The following CDH13 variants were observed in gnomAD, a reference collection of about 807,000 sequenced individuals.
CDH13 encodes the protein cadherin 13.
Under a neutral mutation model 63.8 loss-of-function variants are expected in CDH13, and 24 were observed. That is an observed-to-expected ratio of 0.38 (90% CI 0.27 to 0.53). The LOEUF is 0.53. Ranked by LOEUF, CDH13 falls within the 20% of genes least tolerant of loss-of-function variation. The pLI is 0.85. For synonymous variants in CDH13, 503 were observed against 355.3 expected (o/e 1.42, Z -4.67); for missense variants, 1,049 against 903.1 (o/e 1.16, Z -2.07).
At chr16:83,211,786 C>G (rs993010805) in intron 4 of CDH13, among the ~76,000 whole-genome samples, 1 of 152,022 alleles carries the variant, frequency 6.6e-6, no homozygotes, top group African/African-American at 2.4e-5. Flanking sequence ...GCCAGGAAGT[C>G]TCTTTACCCA....
At chr16:82,898,486 C>G (rs189407864) in intron 2 of CDH13, among the ~76,000 whole-genome samples, 337 of 152,338 alleles carry the variant, frequency 2.2e-3, no homozygotes, top group African/African-American at 7.7e-3. Context: ...GATCTCGCCA[C>G]TGCCCTACAG....
At position 83,200,254 on chromosome 16, in the gene CDH13, C is replaced by T. The variant is rs74738715; in HGVS notation, c.484-17091C>T. The stretch of plus-strand genomic sequence containing the variant: ...CATCACCAGATGAGCTTAGCACCGT[C>T]GGCCAAGTTTTCAACCCCAGGAAGC... On this transcript the variant is annotated intron_variant, in intron 4 of 13. Transcript: ENST00000567109. 9.9e-3 allele frequency among the ~76,000 whole-genome samples: 1,510 copies of T among 152,266 alleles called. 13 individuals carry two copies. Among genetic ancestry groups the T allele is most frequent in the Admixed American group, 0.019 (295 of 15,286 alleles).
At chr16:83,367,272 G>T (rs2091276335) in intron 6 of CDH13, among the ~76,000 whole-genome samples, 1 of 151,970 alleles carries the variant, frequency 6.6e-6, no homozygotes. Context: ...ATGTTTTCAG[G>T]TTTTATTCAT....
chr16:83,440,430 G>C (rs1398813699), intron 6 of CDH13, among the ~76,000 whole-genome samples: 1 of 152,112 alleles, frequency 6.6e-6, no homozygotes, highest in African/African-American at 2.4e-5. Context: ...TGTGGAATGG[G>C]AACTGAATCA....
chr16:83,047,175 T>C lies in CDH13; in HGVS notation c.366+14957T>C, dbSNP rs1181282517. 1.3e-5 allele frequency among the ~76,000 whole-genome samples: 2 copies of C among 152,212 alleles called. No homozygotes were observed. The highest frequency in any genetic ancestry group is 2.9e-5 in the Non-Finnish European group (2 of 68,032). ...GAGACCCAAGGAAAGGTCTGCAGAC[T>C]ATAAGCAGACTTTATCTGAAGACCA... On this transcript the variant is annotated intron_variant, in intron 3 of 13. Coordinates refer to ENST00000567109, the MANE Select transcript of CDH13 (RefSeq NM_001257.5). The surrounding 1 kb of genome is among the most constrained non-coding windows in gnomAD (Gnocchi z 4.9).
chr16:83,023,423 A>G (rs961758954), intron 2 of CDH13, among the ~76,000 whole-genome samples: 1 of 152,182 alleles, frequency 6.6e-6, no homozygotes, highest in African/African-American at 2.4e-5. Flanking sequence ...TTTGCCTTCC[A>G]GAAGTTATTT....
chr16:83,259,642 T>A (rs1597611125), intron 5 of CDH13, among the ~76,000 whole-genome samples: 1 of 151,676 alleles, frequency 6.6e-6, no homozygotes, highest in Non-Finnish European at 1.5e-5. Context: ...CAGTCTCAAA[T>A]TTTTTTTTAT....
chr16:82,670,057 T>G (rs921552168), intron 1 of CDH13, among the ~76,000 whole-genome samples: 4 of 152,224 alleles, frequency 2.6e-5, no homozygotes, highest in Non-Finnish European at 5.9e-5. Context: ...GTTGGATAAT[T>G]GCTGCTTGTC....
intron 5 of CDH13, among the ~76,000 whole-genome samples, chr16:83,299,691 T>C (rs2089687227): frequency 6.6e-6 from 1 of 152,236 alleles, no homozygotes; most frequent in Non-Finnish European, 1.5e-5. Flanking sequence ...ACCAAACACC[T>C]TGACCAAAAG....
At chr16:83,349,646 G>A (rs967185016) in intron 6 of CDH13, among the ~76,000 whole-genome samples, 4 of 151,884 alleles carry the variant, frequency 2.6e-5, no homozygotes, top group African/African-American at 9.7e-5. Context: ...TGTTGCCCAG[G>A]CTGGAGTGCA....
chr16:83,753,475 G>T (rs1913257983), intron 11 of CDH13, among the ~76,000 whole-genome samples: 1 of 152,158 alleles, frequency 6.6e-6, no homozygotes. Context: ...AACCCAGGTA[G>T]GTCAAGGCTG....
chr16:83,191,283 GTCTAGGCCACC>G (rs981226348), intron 4 of CDH13, among the ~76,000 whole-genome samples: 19 of 146,288 alleles, frequency 1.3e-4, no homozygotes, highest in African/African-American at 3.6e-4. Flanking sequence ...TTAATAGTTT[GTCTAGGCCACC>G]TCTACTGCAT....
At chr16:83,309,923 G>T (rs1212618936) in intron 5 of CDH13, among the ~76,000 whole-genome samples, 1 of 152,030 alleles carries the variant, frequency 6.6e-6, no homozygotes, top group Non-Finnish European at 1.5e-5. Context: ...CTGGGTGAAA[G>T]TGGCTCTCCC....
intron 5 of CDH13, among the ~76,000 whole-genome samples, chr16:83,236,109 T>C (rs1424171): frequency 0.59 from 89,920 of 152,076 alleles, 29,276 homozygotes; most frequent in East Asian, 0.88. Flanking sequence ...CCAAAGTATG[T>C]GGACGCTCTA....
intron 4 of CDH13, among the ~76,000 whole-genome samples, chr16:83,174,375 G>A (rs1450808186): frequency 6.6e-6 from 1 of 151,746 alleles, no homozygotes; most frequent in Admixed American, 6.6e-5. Context: ...AGATTAATTT[G>A]TCTTTCCAAT....
intron 4 of CDH13, among the ~76,000 whole-genome samples, chr16:83,183,222 A>C (rs2038405239): frequency 6.6e-6 from 1 of 152,206 alleles, no homozygotes; most frequent in African/African-American, 2.4e-5. Flanking sequence ...GCTTTATTTG[A>C]GATAAACACA....
intron 5 of CDH13, among the ~76,000 whole-genome samples, chr16:83,263,719 T>G (rs1426597475): frequency 6.6e-6 from 1 of 152,168 alleles, no homozygotes; most frequent in Non-Finnish European, 1.5e-5. Flanking sequence ...TCAAACCCCA[T>G]GATGAACGGT....
At chr16:83,581,538 G>A (rs1286676737) in intron 7 of CDH13, among the ~76,000 whole-genome samples, 1 of 152,130 alleles carries the variant, frequency 6.6e-6, no homozygotes, top group Non-Finnish European at 1.5e-5. Context: ...CAGAGCCTTG[G>A]CCAGGCACAG....
intron 3 of CDH13, among the ~76,000 whole-genome samples, chr16:83,109,540 C>A (rs2034958685): frequency 6.6e-6 from 1 of 150,380 alleles, no homozygotes; most frequent in African/African-American, 2.5e-5. Flanking sequence ...GAAAATAATT[C>A]TTTTTCCAAG....
Sources: gnomAD v4.1 joint callset for allele counts (sites outside exome capture counted in the v4.1 genomes callset) on GRCh38, gnomAD v4.1.1 for gene constraint, Gnocchi (gnomAD v3.1) non-coding constraint, MANE v1.5 for transcripts, NCBI Gene and HGNC (gene_info 2026-07-23, HGNC 2026-07-21) for gene names.